OCIAD1: variants seen among roughly 807,000 people sequenced by gnomAD.
The protein encoded by OCIAD1 is OCIA domain containing 1.
OCIAD1 carries 29 observed loss-of-function variants against 38.9 expected under a neutral mutation model. That is an observed-to-expected ratio of 0.74 (90% CI 0.55 to 1.02). The LOEUF (loss-of-function observed/expected upper bound fraction) is 1.02, where lower values mean the gene tolerates loss of function less well. Ranked by LOEUF, OCIAD1 falls within the 50% of genes least tolerant of loss-of-function variation. The pLI is 0.00. For synonymous variants in OCIAD1, 110 were observed against 92.0 expected, an observed-to-expected ratio of 1.20 and a Z score of -1.12; for missense variants, 288 against 289.6, an observed-to-expected ratio of 0.99 and a Z score of 0.04.
At chr4:48,822,299 T>G (rs542510570) in intron 1 of OCIAD1, among the ~76,000 whole-genome samples, 32 of 152,328 alleles carry the variant, frequency 2.1e-4, no homozygotes, top group Admixed American at 2.0e-3. Context: ...GGGGAAAGGA[T>G]TCCCTATTTA....
rs151334466 is a variant in OCIAD1 at position 48,814,179 on chromosome 4, G to T, written c.-103+8849G>T. The stretch of plus-strand genomic sequence containing the variant: ...CCTGAAATCTAAAGAGGGACAGATG[G>T]TTCTCGGTTTGATTGACAGCATGAG... On this transcript the variant is annotated intron_variant, in intron 1 of 6. Coordinates refer to the OCIAD1 transcript ENST00000504654. Among the ~76,000 whole-genome samples the T allele has an allele frequency of 7.6e-3, 1,151 of 151,764 alleles. 16 individuals carry two copies. Among genetic ancestry groups the T allele is most frequent in the African/African-American group, 0.026 (1,095 of 41,376 alleles).
intron 1 of OCIAD1, among the ~76,000 whole-genome samples, chr4:48,824,866 G>T (rs2109498136): frequency 6.6e-6 from 1 of 152,094 alleles, no homozygotes; most frequent in South Asian, 2.1e-4. Flanking sequence ...CTCCCAAGTA[G>T]CTGGGATTAC....
At chr4:48,845,764 G>T (rs1778926090) in intron 4 of OCIAD1, among the ~76,000 whole-genome samples, 1 of 152,004 alleles carries the variant, frequency 6.6e-6, no homozygotes, top group African/African-American at 2.4e-5. Flanking sequence ...CAGGAAACTG[G>T]GACATTATCC....
chr4:48,817,134 G>C (rs1777151305), intron 1 of OCIAD1, among the ~76,000 whole-genome samples: 1 of 152,230 alleles, frequency 6.6e-6, no homozygotes, highest in African/African-American at 2.4e-5. Flanking sequence ...CCAACTCATG[G>C]AGAGTAAGCA....
intron 7 of OCIAD1, among the ~76,000 whole-genome samples, chr4:48,852,879 T>TTTGTTTTTTGTTG (rs1779629673): frequency 7.0e-6 from 1 of 143,532 alleles, no homozygotes; most frequent in Non-Finnish European, 1.5e-5. Context: ...TTTTTTGTTT[T>TTTGTTTTTTGTTG]TTGTTTTTTT....
chr4:48,806,790 GA>G (rs1777028450), intron 1 of OCIAD1, among the ~76,000 whole-genome samples: 1 of 152,080 alleles, frequency 6.6e-6, no homozygotes, highest in Non-Finnish European at 1.5e-5. Flanking sequence ...ATTTTTAGTA[GA>G]GATGAGATTT....
At chr4:48,847,772 G>C (rs1358297105) in intron 4 of OCIAD1, among the ~76,000 whole-genome samples, 1 of 152,134 alleles carries the variant, frequency 6.6e-6, no homozygotes, top group Non-Finnish European at 1.5e-5. Flanking sequence ...AATTACTACA[G>C]CTTTATCATG....
upstream of OCIAD1, chr4:48,830,913 C>T (rs1412750245): frequency 1.3e-5 from 2 of 156,398 alleles, no homozygotes; most frequent in African/African-American, 4.8e-5. Context: ...GGTTCTTGGT[C>T]CGCCGCTGTC....
At chr4:48,847,581 G>C (rs1246559664) in intron 4 of OCIAD1, among the ~76,000 whole-genome samples, 2 of 152,054 alleles carry the variant, frequency 1.3e-5, no homozygotes, top group Non-Finnish European at 2.9e-5. Flanking sequence ...ATTATTGTTC[G>C]ATGTAGGATC....
intron 8 of OCIAD1, chr4:48,860,286 A>G (rs1780482432): frequency 6.5e-6 from 1 of 153,074 alleles, no homozygotes; most frequent in Admixed American, 6.6e-5. Flanking sequence ...GAAAATTCAA[A>G]TGTTTGTTTT....
chr4:48,851,896 T>C lies in OCIAD1; in HGVS notation c.468T>C (p.Leu156=). 6.2e-7 allele frequency: 1 copy of C among 1,612,674 alleles called. No individual in the cohort carries two copies. Among genetic ancestry groups the C allele is most frequent in the Non-Finnish European group, 8.5e-7 (1 of 1,178,734 alleles). The change falls in exon 7 of 9, where the codon CTT becomes CTC. Residue 156 remains leucine (L), a synonymous_variant. Coordinates refer to ENST00000264312, the MANE Select transcript of OCIAD1 (RefSeq NM_017830.4). The stretch of plus-strand genomic sequence containing the variant: ...CAGCAGCAGACAACATAGAAATGCT[T>C]CCTCATTATGAGCCAATTCCATTCA... The part of the protein sequence containing the change: ...TSPAADNIEM[L]PHYEPIPFSS...
At chr4:48,821,686 T>G (rs1299938762) in intron 1 of OCIAD1, among the ~76,000 whole-genome samples, 1 of 152,196 alleles carries the variant, frequency 6.6e-6, no homozygotes, top group Admixed American at 6.5e-5. Context: ...GATAAGCAAC[T>G]TCAGCAAAGT....
chr4:48,830,158 C>A (rs892877078), upstream of OCIAD1, among the ~76,000 whole-genome samples: 1 of 152,184 alleles, frequency 6.6e-6, no homozygotes, highest in African/African-American at 2.4e-5. Context: ...GGCACAGGCA[C>A]CACCAGGCCA....
At chr4:48,826,920 C>T (rs114106930), upstream of OCIAD1, among the ~76,000 whole-genome samples, 2,901 of 152,230 alleles carry the variant, frequency 0.019, 90 homozygotes, top group African/African-American at 0.067. Context: ...TTATAAATAA[C>T]CTTTTTATTG....
chr4:48,805,254 C>A (rs994899868), exon 1 of OCIAD1: 2 of 152,186 alleles, frequency 1.3e-5, no homozygotes, highest in African/African-American at 4.8e-5. Flanking sequence ...CAGTAAGCTG[C>A]CTTGGAAGTG....
Position 48,815,292 on chromosome 4 carries a change from A to G in OCIAD1, c.-103+9962A>G, listed in dbSNP as rs1560407327. 2.0e-5 allele frequency among the ~76,000 whole-genome samples: 3 copies of G among 152,302 alleles called. 1 individual carries two copies. In the East Asian group the frequency reaches 5.8e-4, roughly 29 times the overall value. ...CGCGCCACACTCCAGCCCGGGGAAC[A>G]GTGTGAGACTCCATCTCAAAAAAAA... On this transcript the variant is annotated intron_variant, in intron 1 of 6. Transcript: ENST00000504654.
chr4:48,810,832 G>C (rs916371942), intron 1 of OCIAD1, among the ~76,000 whole-genome samples: 8 of 151,586 alleles, frequency 5.3e-5, no homozygotes, highest in African/African-American at 1.9e-4. Flanking sequence ...GCAGTGGGTA[G>C]TGATTGAGGA....
At chr4:48,854,638 C>T (rs1258195248) in intron 7 of OCIAD1, among the ~76,000 whole-genome samples, 9 of 152,198 alleles carry the variant, frequency 5.9e-5, no homozygotes. Flanking sequence ...AAGGCCATGT[C>T]TTAATATTAT....
rs1777482716 is a variant in OCIAD1 at position 48,831,451 on chromosome 4, G to T, written c.-6+202G>T. On this transcript the variant is annotated intron_variant, in intron 1 of 8. Coordinates refer to ENST00000264312, the MANE Select transcript of OCIAD1 (RefSeq NM_017830.4). ...CTGGGGGTGTGAGCTGGGGAAGTTCGTGGTCACGGATGCGTGTGGGGTTGC... is the reference window on the plus strand; with the variant it reads ...CTGGGGGTGTGAGCTGGGGAAGTTCTTGGTCACGGATGCGTGTGGGGTTGC... The T allele has an allele frequency of 2.2e-5, 28 of 1,275,936 alleles. No individual in the cohort carries two copies. The South Asian group carries it at 3.2e-4, about 15-fold the overall frequency. The allele number at this position is 1,275,936 out of a possible 1,614,324, so 79.0% of individuals were successfully genotyped here.
Sources: gnomAD v4.1 joint callset for allele counts (sites outside exome capture counted in the v4.1 genomes callset) on GRCh38, gnomAD v4.1.1 for gene constraint, MANE v1.5 for transcripts, NCBI Gene and HGNC (gene_info 2026-07-23, HGNC 2026-07-21) for gene names.